CDH4: variants seen among roughly 807,000 people sequenced by gnomAD.
The protein encoded by CDH4 is cadherin 4.
In CDH4, 33 loss-of-function variants were observed where a neutral mutation model predicts 86.0. The ratio of observed to expected loss-of-function variants is 0.38; its 90% CI spans 0.29 to 0.51. The LOEUF (loss-of-function observed/expected upper bound fraction) is 0.51, where lower values mean the gene tolerates loss of function less well. CDH4 is among the 20% of genes least tolerant of loss of function. CDH4 has a pLI of 0.86. For missense variants in CDH4, 1,114 were observed against 1,307.4 expected (o/e 0.85, Z 2.28); for synonymous variants, 555 against 549.4 (o/e 1.01, Z -0.14).
At chr20:61,360,728 C>A (rs981666859) in intron 2 of CDH4, among the ~76,000 whole-genome samples, 2 of 152,066 alleles carry the variant, frequency 1.3e-5, no homozygotes, top group Admixed American at 1.3e-4. Context: ...ATGGGGGTTT[C>A]TGAACTTCAC....
chr20:61,266,556 G>A (rs74484030), intron 2 of CDH4, among the ~76,000 whole-genome samples: 1,585 of 151,900 alleles, frequency 0.01, 24 homozygotes, highest in African/African-American at 0.036. Flanking sequence ...TGAAGTCCCC[G>A]ACTTCCGCTT....
intron 7 of CDH4, among the ~76,000 whole-genome samples, chr20:61,882,665 G>GGGAAGTATTTC (rs1984335172): frequency 6.6e-6 from 1 of 152,164 alleles, no homozygotes. Context: ...TGTTTTCCCT[G>GGGAAGTATTTC]CCGTAGAGAA....
chr20:61,596,461 G>C (rs1005824455), intron 2 of CDH4, among the ~76,000 whole-genome samples: 20 of 152,326 alleles, frequency 1.3e-4, no homozygotes, highest in Admixed American at 3.9e-4. Flanking sequence ...GGTGCATGGG[G>C]AGGGCAATGG....
chr20:61,722,909 A>T (rs2088059328), intron 2 of CDH4, among the ~76,000 whole-genome samples: 1 of 152,166 alleles, frequency 6.6e-6, no homozygotes. Flanking sequence ...TGCTGTTGTG[A>T]CCTGAGAGTA....
intron 2 of CDH4, among the ~76,000 whole-genome samples, chr20:61,555,572 G>A (rs2086171374): frequency 2.6e-5 from 4 of 152,150 alleles, no homozygotes. Context: ...TGTCTTTCTG[G>A]TTATGTTCAC....
At chr20:61,922,266 G>C (rs2054991066) in intron 9 of CDH4, among the ~76,000 whole-genome samples, 1 of 152,204 alleles carries the variant, frequency 6.6e-6, no homozygotes, top group Non-Finnish European at 1.5e-5. Context: ...ACTGTTGCAA[G>C]CTTTGCCATT....
chr20:61,724,508 A>G (rs2088086876), intron 2 of CDH4, among the ~76,000 whole-genome samples: 1 of 152,230 alleles, frequency 6.6e-6, no homozygotes, highest in Non-Finnish European at 1.5e-5. Flanking sequence ...CCACAGCCTC[A>G]GAGACTGCAG....
At chr20:61,282,943 G>A (rs1238385746) in intron 2 of CDH4, among the ~76,000 whole-genome samples, 3 of 49,832 alleles carry the variant, frequency 6.0e-5, no homozygotes, top group African/African-American at 1.8e-4. Flanking sequence ...CGCGTGTGCT[G>A]TGGCGTGTGA....
intron 2 of CDH4, among the ~76,000 whole-genome samples, chr20:61,532,372 A>G (rs111624016): frequency 6.6e-6 from 1 of 152,204 alleles, no homozygotes; most frequent in Admixed American, 6.5e-5. Context: ...CACCAGTTCA[A>G]CACGAGGCGG....
At chr20:61,317,382 C>T (rs2084482463) in intron 2 of CDH4, among the ~76,000 whole-genome samples, 1 of 152,194 alleles carries the variant, frequency 6.6e-6, no homozygotes. Context: ...GCGCCTTTGC[C>T]ACTGAGTCTC....
At chr20:61,649,376 T>C (rs1375307362) in intron 2 of CDH4, among the ~76,000 whole-genome samples, 2 of 152,230 alleles carry the variant, frequency 1.3e-5, no homozygotes, top group Non-Finnish European at 2.9e-5. Context: ...GTGTGTGGCA[T>C]AGATCTTCCT....
chr20:61,810,242 G>A lies in CDH4; in HGVS notation c.577-34426G>A, dbSNP rs1980364537. On this transcript the variant is annotated intron_variant, in intron 4 of 15. Coordinates refer to ENST00000614565, the MANE Select transcript of CDH4 (RefSeq NM_001794.5). This position sits in a 1 kb window ranked among gnomAD's most constrained non-coding sequence, Gnocchi z 4.3. ...CTGGCAGACCCCGGGAAAGGCCATGGCCACCCACATGGATGTGTGGGTATG... is the reference window on the plus strand; with the variant it reads ...CTGGCAGACCCCGGGAAAGGCCATGACCACCCACATGGATGTGTGGGTATG... Among the ~76,000 whole-genome samples the A allele has an allele frequency of 1.3e-5, 2 of 152,206 alleles. No individual in the cohort carries two copies. The highest frequency in any genetic ancestry group is 4.8e-5 in the African/African-American group (2 of 41,454).
chr20:61,877,212 A>T (rs1403294827), intron 7 of CDH4, among the ~76,000 whole-genome samples: 3 of 152,088 alleles, frequency 2.0e-5, no homozygotes, highest in Non-Finnish European at 2.9e-5. Context: ...GAGGGCTAGC[A>T]GTCCCAGCCA....
chr20:61,606,074 A>G (rs1350401624), intron 2 of CDH4, among the ~76,000 whole-genome samples: 4 of 152,076 alleles, frequency 2.6e-5, no homozygotes, highest in African/African-American at 9.7e-5. Flanking sequence ...GGTGCCTTGG[A>G]GCCAGGGCTG....
chr20:61,453,389 A>T (rs376958076), intron 2 of CDH4, among the ~76,000 whole-genome samples: 1 of 152,140 alleles, frequency 6.6e-6, no homozygotes, highest in African/African-American at 2.4e-5. Flanking sequence ...CTGGGTTCGC[A>T]TGTGTGGAAT....
chr20:61,805,509 C>T (rs544888069), intron 4 of CDH4, among the ~76,000 whole-genome samples: 2 of 152,248 alleles, frequency 1.3e-5, no homozygotes, highest in African/African-American at 4.8e-5. Context: ...GTACACTCCC[C>T]TGCCCGGCCT....
At chr20:61,915,135 C>T (rs1014669040) in intron 9 of CDH4, among the ~76,000 whole-genome samples, 20 of 152,358 alleles carry the variant, frequency 1.3e-4, no homozygotes, top group African/African-American at 4.6e-4. Context: ...GGAGCCCACA[C>T]ACAGGATCAC....
intron 2 of CDH4, among the ~76,000 whole-genome samples, chr20:61,304,600 A>G (rs2084405465): frequency 6.6e-6 from 1 of 152,106 alleles, no homozygotes; most frequent in African/African-American, 2.4e-5. Context: ...CTGTGCCATA[A>G]CAATATTAAG....
At position 61,847,630 on chromosome 20, in the gene CDH4, C is replaced by T. The variant is rs540118189; in HGVS notation, c.732+2807C>T. Among the ~76,000 whole-genome samples the T allele has an allele frequency of 3.9e-5, 6 of 152,302 alleles. No homozygotes were observed. The East Asian group carries it at 9.6e-4, about 24-fold the overall frequency. ...TATTGCTATAAAGAAATACCTGAGG[C>T]TGCGTAATATAGAGAGAAAAGAGGT... is the stretch of plus-strand genomic sequence containing the variant. On this transcript the variant is annotated intron_variant, in intron 5 of 15. Coordinates refer to ENST00000614565, the MANE Select transcript of CDH4 (RefSeq NM_001794.5).
Sources: allele counts gnomAD v4.1 joint callset (sites outside exome capture counted in the v4.1 genomes callset), GRCh38; gene constraint gnomAD v4.1.1; non-coding constraint Gnocchi (gnomAD v3.1); transcripts MANE v1.5; gene names NCBI Gene and HGNC (gene_info 2026-07-23, HGNC 2026-07-21).